The following PCDH15 variants were observed in gnomAD, a reference collection of about 807,000 sequenced individuals.
PCDH15 encodes protocadherin related 15, also known as protocadherin-15.
PCDH15 carries 129 observed loss-of-function variants against 178.5 expected under a neutral mutation model. The ratio of observed to expected loss-of-function variants is 0.72; its 90% CI spans 0.63 to 0.84. The LOEUF is 0.84. Among genes scored for constraint, PCDH15 ranks in the 40% least tolerant of loss-of-function variants. PCDH15 has a pLI of 0.00. For missense variants in PCDH15, 2,230 were observed against 2,099.9 expected, an observed-to-expected ratio of 1.06 and a Z score of -1.21; for synonymous variants, 800 against 732.0, an observed-to-expected ratio of 1.09 and a Z score of -1.50.
At position 54,543,443 on chromosome 10, in the gene PCDH15, G is replaced by A. The variant is rs192228844; in HGVS notation, c.92-15566C>T. Among the ~76,000 whole-genome samples the A allele has an allele frequency of 2.0e-4, 31 of 152,256 alleles. No homozygotes were observed. The East Asian group carries it at 4.9e-3, about 24-fold the overall frequency. ...TGCCCATTTGCATGCTCCCCTAGAG[G>A]TTTGAGCAGCGGGGCACTGAAGAAG... On this transcript the variant is annotated intron_variant, in intron 2 of 37. Coordinates refer to ENST00000644397, the MANE Select transcript of PCDH15 (RefSeq NM_001384140.1).
intron 1 of PCDH15, among the ~76,000 whole-genome samples, chr10:55,203,027 C>T (rs1840298618): frequency 2.0e-5 from 3 of 152,034 alleles, no homozygotes; most frequent in African/African-American, 7.3e-5. Context: ...CTTACAATAC[C>T]ATCAATTCAA....
chr10:54,501,518 T>C (rs539747276), intron 3 of PCDH15, among the ~76,000 whole-genome samples: 1 of 152,262 alleles, frequency 6.6e-6, no homozygotes, highest in South Asian at 2.1e-4. Flanking sequence ...TTGAAAAGAA[T>C]TTCATAGTCC....
At chr10:55,139,625 T>C (rs1018352114) in intron 2 of PCDH15, among the ~76,000 whole-genome samples, 2 of 152,076 alleles carry the variant, frequency 1.3e-5, no homozygotes, top group Non-Finnish European at 2.9e-5. Flanking sequence ...ATTTTTATGT[T>C]TTTCATTCTG....
intron 2 of PCDH15, among the ~76,000 whole-genome samples, chr10:55,383,492 T>A (rs1200987101): frequency 1.3e-5 from 2 of 152,170 alleles, no homozygotes; most frequent in Non-Finnish European, 2.9e-5. Flanking sequence ...GAACCTTTGC[T>A]GGGGAACCAT....
intron 8 of PCDH15, among the ~76,000 whole-genome samples, chr10:54,288,874 G>A (rs2059206787): frequency 6.6e-6 from 1 of 152,214 alleles, no homozygotes; most frequent in Non-Finnish European, 1.5e-5. Flanking sequence ...CTCGAACTGG[G>A]CAGAGCCCAC....
Position 55,385,770 on chromosome 10 carries a change from CGTATATAGATATGCATATCTCT to C in PCDH15, c.-155-219141_-155-219120del, listed in dbSNP as rs1391529867. Among the ~76,000 whole-genome samples, 221 of 136,718 alleles carry C rather than the reference CGTATATAGATATGCATATCTCT, an allele frequency of 1.6e-3. 2 individuals are homozygous for C. The highest frequency in any genetic ancestry group is 5.6e-3 in the African/African-American group (198 of 35,162). The allele number at this position is 136,718 out of a possible 152,430, so 89.7% of individuals were successfully genotyped here. A position where few individuals can be genotyped will look rare whatever the true frequency, so the allele number is the denominator to read the frequency against. On this transcript the variant is annotated intron_variant, in intron 2 of 5. Transcript: ENST00000613346. Reference sequence around the variant, plus strand: ...ATGCATATATATGTATAGATATATACGTATATAGATATGCATATCTCTGTATATAGATATGCATATATATGCA... The same window carrying C: ...ATGCATATATATGTATAGATATATACGTATATAGATATGCATATATATGCA...
At chr10:55,257,176 A>G (rs1418424599) in intron 1 of PCDH15, among the ~76,000 whole-genome samples, 5 of 152,184 alleles carry the variant, frequency 3.3e-5, no homozygotes, top group Non-Finnish European at 7.3e-5. Context: ...TGACTGTTAG[A>G]AGGAAAACTA....
At chr10:54,000,214 T>C (rs2092061685) in intron 20 of PCDH15, among the ~76,000 whole-genome samples, 3 of 151,948 alleles carry the variant, frequency 2.0e-5, no homozygotes, top group African/African-American at 7.3e-5. Flanking sequence ...AAATAACAAA[T>C]ACGAAGAAGT....
chr10:55,611,988 A>C (rs1202563500), intron 2 of PCDH15, among the ~76,000 whole-genome samples: 2 of 152,078 alleles, frequency 1.3e-5, no homozygotes, highest in Non-Finnish European at 2.9e-5. Context: ...ATAGAAGTAA[A>C]GAGTAGAATG....
At chr10:55,533,338 C>G (rs1011155838) in intron 2 of PCDH15, among the ~76,000 whole-genome samples, 4 of 152,048 alleles carry the variant, frequency 2.6e-5, no homozygotes, top group Admixed American at 1.3e-4. Context: ...ACTCTAAAGA[C>G]TTCACCAAGG....
chr10:53,833,470 G>C (rs1191744674), intron 29 of PCDH15, among the ~76,000 whole-genome samples: 1 of 152,004 alleles, frequency 6.6e-6, no homozygotes, highest in Non-Finnish European at 1.5e-5. Context: ...AAAAATTCTT[G>C]AGTCATAACA....
At chr10:55,071,611 C>A (rs1451244661) in intron 2 of PCDH15, among the ~76,000 whole-genome samples, 3 of 152,066 alleles carry the variant, frequency 2.0e-5, no homozygotes. Flanking sequence ...TCCTGAGTGA[C>A]CAACAAAGAG....
chr10:55,525,266 C>A (rs1456416341), intron 2 of PCDH15, among the ~76,000 whole-genome samples: 2 of 151,808 alleles, frequency 1.3e-5, no homozygotes, highest in Non-Finnish European at 2.9e-5. Flanking sequence ...GTAAATATCT[C>A]AGAATTTAGA....
chr10:55,141,015 T>C (rs1286792399), intron 2 of PCDH15, among the ~76,000 whole-genome samples: 2 of 152,040 alleles, frequency 1.3e-5, no homozygotes, highest in Non-Finnish European at 2.9e-5. Context: ...TCACTTTTAT[T>C]TTTCCTTTTT....
intron 18 of PCDH15, among the ~76,000 whole-genome samples, chr10:54,054,668 A>C (rs2660153): frequency 0.18 from 28,014 of 152,134 alleles, 2,837 homozygotes; most frequent in Non-Finnish European, 0.23. Flanking sequence ...ATATATTCTT[A>C]AAATTTTCTA....
chr10:54,094,786 A>C (rs1006382620), intron 15 of PCDH15, among the ~76,000 whole-genome samples: 1 of 152,142 alleles, frequency 6.6e-6, no homozygotes, highest in African/African-American at 2.4e-5. Flanking sequence ...CTGAAGAACA[A>C]ATGATTCCTT....
intron 2 of PCDH15, among the ~76,000 whole-genome samples, chr10:55,430,476 T>C (rs774624549): frequency 2.0e-5 from 3 of 152,196 alleles, no homozygotes; most frequent in Non-Finnish European, 4.4e-5. Context: ...TTGAACCTCA[T>C]TGTTGTTTAG....
intron 8 of PCDH15, among the ~76,000 whole-genome samples, chr10:54,302,383 T>C (rs1193010761): frequency 6.6e-6 from 1 of 152,180 alleles, no homozygotes; most frequent in Non-Finnish European, 1.5e-5. Context: ...TGTCTGAATG[T>C]TTGTGTTTCC....
chr10:55,353,179 G>A (rs1044701144), intron 2 of PCDH15, among the ~76,000 whole-genome samples: 1 of 152,134 alleles, frequency 6.6e-6, no homozygotes, highest in African/African-American at 2.4e-5. Flanking sequence ...CCAGGAGAAT[G>A]CAGAAAATGC....
Sources: allele counts gnomAD v4.1 joint callset (sites outside exome capture counted in the v4.1 genomes callset), GRCh38; gene constraint gnomAD v4.1.1; transcripts MANE v1.5; gene names NCBI Gene and HGNC (gene_info 2026-07-23, HGNC 2026-07-21).